MINDY3: variants seen among roughly 807,000 people sequenced by gnomAD.
The protein encoded by MINDY3 is MINDY lysine 48 deubiquitinase 3.
A neutral mutation model predicts 69.2 loss-of-function variants in MINDY3; 38 were observed. That is an observed-to-expected ratio of 0.55 (90% CI 0.42 to 0.72). The LOEUF (loss-of-function observed/expected upper bound fraction) is 0.72. MINDY3 is among the 30% of genes least tolerant of loss of function. The pLI, the probability that MINDY3 is intolerant of heterozygous loss-of-function variation, is 0.00. For synonymous variants in MINDY3, 192 were observed against 180.1 expected (o/e 1.07, Z -0.53); for missense variants, 522 against 519.0 (o/e 1.01, Z -0.06).
intron 8 of MINDY3, among the ~76,000 whole-genome samples, chr10:15,823,552 TTAA>T (rs1482578900): frequency 1.3e-5 from 2 of 152,178 alleles, no homozygotes; most frequent in African/African-American, 4.8e-5. Flanking sequence ...TATGTTAATA[TTAA>T]TGAGTATATT....
At chr10:15,859,184 G>C (rs1185478013) in intron 1 of MINDY3, among the ~76,000 whole-genome samples, 1 of 151,988 alleles carries the variant, frequency 6.6e-6, no homozygotes, top group East Asian at 1.9e-4. Flanking sequence ...CAAACATGTG[G>C]GAGGGAGGGA....
At chr10:15,816,376 G>T (rs547248641) in intron 10 of MINDY3, among the ~76,000 whole-genome samples, 1 of 151,770 alleles carries the variant, frequency 6.6e-6, no homozygotes, top group Non-Finnish European at 1.5e-5. Flanking sequence ...AAAATTGTGG[G>T]AAGTATTCCA....
chr10:15,794,935 AGTT>A (rs1837696703), intron 11 of MINDY3, among the ~76,000 whole-genome samples: 1 of 151,946 alleles, frequency 6.6e-6, no homozygotes, highest in Non-Finnish European at 1.5e-5. Context: ...ATTCTTTAAT[AGTT>A]ATTATCTCCT....
intron 10 of MINDY3, among the ~76,000 whole-genome samples, chr10:15,811,797 A>C (rs1041144225): frequency 1.3e-5 from 2 of 152,156 alleles, no homozygotes; most frequent in Non-Finnish European, 2.9e-5. Context: ...CATTCCTACA[A>C]AAATTTAATT....
intron 2 of MINDY3, among the ~76,000 whole-genome samples, chr10:15,844,622 T>G (rs949716590): frequency 3.3e-5 from 5 of 152,146 alleles, no homozygotes; most frequent in African/African-American, 1.2e-4. Flanking sequence ...ACATATAAGC[T>G]CCTTTTTAAA....
intron 10 of MINDY3, among the ~76,000 whole-genome samples, chr10:15,796,927 T>G (rs1180759209): frequency 6.6e-6 from 1 of 152,106 alleles, no homozygotes; most frequent in Admixed American, 6.6e-5. Flanking sequence ...CTCCTGTTGT[T>G]TACCTCTGGT....
intron 10 of MINDY3, among the ~76,000 whole-genome samples, chr10:15,805,412 G>A (rs184133129): frequency 6.6e-6 from 1 of 152,134 alleles, no homozygotes; most frequent in East Asian, 1.9e-4. Flanking sequence ...AGTTATACTG[G>A]TAATACAGAT....
intron 10 of MINDY3, among the ~76,000 whole-genome samples, chr10:15,801,090 G>C (rs944926587): frequency 2.0e-5 from 3 of 152,268 alleles, no homozygotes; most frequent in Non-Finnish European, 1.5e-5. Context: ...CAGCAGTTAA[G>C]TTCTCAGAAA....
chr10:15,841,563 C>T lies in MINDY3; in HGVS notation c.272G>A (p.Cys91Tyr), dbSNP rs968961162. The change falls in exon 4 of 15, where the codon TGT (cysteine) becomes TAT (tyrosine). Residue 91 changes from cysteine to tyrosine, a missense_variant. Coordinates refer to ENST00000277632, the MANE Select transcript of MINDY3 (RefSeq NM_024948.4). ...ACAACAAGCACTTTCTAAAATATCA[C>T]ACAAGGTATGACAAAGGAGTTCCTT... Reference protein sequence around the residue: ...EQKELLCHTLCDILESACCDH... With the variant: ...EQKELLCHTLYDILESACCDH... 1 of 1,610,664 alleles carries T rather than the reference C, an allele frequency of 6.2e-7. No individual in the cohort carries two copies.
chr10:15,832,551 T>C (rs993122517), intron 8 of MINDY3, among the ~76,000 whole-genome samples: 3 of 152,204 alleles, frequency 2.0e-5, no homozygotes, highest in Admixed American at 2.0e-4. Flanking sequence ...AGATAATTTG[T>C]AGTTTTTTGT....
intron 11 of MINDY3, among the ~76,000 whole-genome samples, chr10:15,794,420 C>T (rs1490494931): frequency 6.6e-6 from 1 of 152,056 alleles, no homozygotes; most frequent in African/African-American, 2.4e-5. Flanking sequence ...AAACCACGAA[C>T]AGTGTGATAT....
chr10:15,846,567 T>TA (rs1833858042), intron 2 of MINDY3, among the ~76,000 whole-genome samples: 2 of 152,146 alleles, frequency 1.3e-5, no homozygotes, highest in Non-Finnish European at 1.5e-5. Context: ...AAAGTCAACT[T>TA]AAAAAAATAA....
At chr10:15,802,151 AG>A (rs1838309065) in intron 10 of MINDY3, among the ~76,000 whole-genome samples, 1 of 151,900 alleles carries the variant, frequency 6.6e-6, no homozygotes, top group Admixed American at 6.6e-5. Flanking sequence ...TAAATTTTTG[AG>A]GGAGTCAAAA....
At chr10:15,854,607 C>A (rs1490713318) in intron 1 of MINDY3, among the ~76,000 whole-genome samples, 1 of 151,830 alleles carries the variant, frequency 6.6e-6, no homozygotes, top group Non-Finnish European at 1.5e-5. Flanking sequence ...AAAAAGTGAA[C>A]AGGTGTTATA....
intron 1 of MINDY3, among the ~76,000 whole-genome samples, chr10:15,858,321 G>A (rs1834839762): frequency 6.6e-6 from 1 of 152,160 alleles, no homozygotes; most frequent in Admixed American, 6.5e-5. Context: ...ATTTCTGCAT[G>A]ATTAAAGGTG....
At chr10:15,816,282 G>GAAAAAAAAAAAAAAAAAAAAA (rs1421619763) in intron 10 of MINDY3, among the ~76,000 whole-genome samples, 9 of 108,450 alleles carry the variant, frequency 8.3e-5, no homozygotes, top group African/African-American at 3.7e-4. Flanking sequence ...AAAAAAAAAT[G>GAAAAAAAAAAAAAAAAAAAAA]AAAAAGAAAA....
intron 2 of MINDY3, among the ~76,000 whole-genome samples, chr10:15,844,078 C>A (rs1474683163): frequency 6.6e-6 from 1 of 152,136 alleles, no homozygotes; most frequent in Non-Finnish European, 1.5e-5. Context: ...GGTTTGAATC[C>A]TGGCTCCACT....
intron 8 of MINDY3, among the ~76,000 whole-genome samples, chr10:15,831,247 G>A (rs139106420): frequency 2.5e-4 from 38 of 152,230 alleles, no homozygotes; most frequent in African/African-American, 8.7e-4. Flanking sequence ...TTTAGAGTAC[G>A]CCCAACCAAT....
chr10:15,782,971 C>A (rs1453217544), intron 13 of MINDY3, among the ~76,000 whole-genome samples: 1 of 152,214 alleles, frequency 6.6e-6, no homozygotes, highest in Non-Finnish European at 1.5e-5. Flanking sequence ...TGATTTCCCT[C>A]AGGGCCCCTG....
Sources: allele counts gnomAD v4.1 joint callset (sites outside exome capture counted in the v4.1 genomes callset), GRCh38; gene constraint gnomAD v4.1.1; transcripts MANE v1.5; gene names NCBI Gene and HGNC (gene_info 2026-07-23, HGNC 2026-07-21).